Variants in GLIS3 observed in about 807,000 individuals in gnomAD.
The protein encoded by GLIS3 is GLIS family zinc finger 3.
In GLIS3, 53 loss-of-function variants were observed where a neutral mutation model predicts 78.6. The observed-to-expected ratio is 0.67, with a 90% CI of 0.54 to 0.85. GLIS3 has a LOEUF of 0.85. Among genes scored for constraint, GLIS3 ranks in the 40% least tolerant of loss-of-function variants. The probability of loss-of-function intolerance (pLI) is 0.00; values close to 1 mark genes in which losing one functional copy is unlikely to be tolerated. For missense variants in GLIS3, 1,703 were observed against 1,231.1 expected (o/e 1.38, Z -5.74); for synonymous variants, 684 against 509.9 (o/e 1.34, Z -4.60).
chr9:4,409,102 T>A, the GLIS3 span, among the ~76,000 whole-genome samples: 1 of 152,096 alleles, frequency 6.6e-6, no homozygotes, highest in Non-Finnish European at 1.5e-5. Context: ...CATAAACCAG[T>A]CTTGTATGGG....
At chr9:4,100,634 G>A (rs1830301092) in intron 4 of GLIS3, among the ~76,000 whole-genome samples, 2 of 152,068 alleles carry the variant, frequency 1.3e-5, no homozygotes, top group African/African-American at 4.8e-5. Context: ...TAAACCAGTG[G>A]TGTCTCTTTC....
At chr9:4,272,649 T>C (rs1172919739) in intron 2 of GLIS3, among the ~76,000 whole-genome samples, 1 of 152,248 alleles carries the variant, frequency 6.6e-6, no homozygotes. Flanking sequence ...TTTTCAACTC[T>C]AGAATAACCA....
the GLIS3 span, among the ~76,000 whole-genome samples, chr9:4,417,610 T>G: frequency 1.3e-5 from 2 of 152,226 alleles, no homozygotes; most frequent in Non-Finnish European, 2.9e-5. Flanking sequence ...GGGGCCCTTG[T>G]GTAAATACAT....
At chr9:4,271,339 G>C (rs762958329) in intron 2 of GLIS3, among the ~76,000 whole-genome samples, 1 of 152,038 alleles carries the variant, frequency 6.6e-6, no homozygotes, top group Admixed American at 6.6e-5. Flanking sequence ...TTATGTTTTG[G>C]GGGAATCAGA....
chr9:4,181,467 A>G (rs1817318159), intron 2 of GLIS3, among the ~76,000 whole-genome samples: 1 of 152,174 alleles, frequency 6.6e-6, no homozygotes, highest in South Asian at 2.1e-4. Flanking sequence ...GCTTACACAG[A>G]GGGGTGGGAC....
chr9:4,074,054 TC>T (rs1453159669), intron 4 of GLIS3, among the ~76,000 whole-genome samples: 2 of 152,206 alleles, frequency 1.3e-5, no homozygotes, highest in African/African-American at 4.8e-5. Flanking sequence ...AAGCATTTCC[TC>T]CCACTCTCTA....
At chr9:4,467,939 CT>C in the GLIS3 span, among the ~76,000 whole-genome samples, 2 of 152,068 alleles carry the variant, frequency 1.3e-5, no homozygotes, top group African/African-American at 4.8e-5. Context: ...TAGAGAAGAC[CT>C]TAAATGACCT....
chr9:4,311,135 G>A (rs1015818069), intron 2 of GLIS3, among the ~76,000 whole-genome samples: 10 of 152,208 alleles, frequency 6.6e-5, no homozygotes, highest in East Asian at 1.9e-4. Context: ...TTGGCCAGGC[G>A]CGGTGGCTGA....
chr9:3,830,326 T>C (rs17691242), intron 9 of GLIS3, among the ~76,000 whole-genome samples: 10,349 of 152,250 alleles, frequency 0.068, 477 homozygotes, highest in Non-Finnish European at 0.1. Context: ...ATAATACATT[T>C]AAGTCAACAG....
intron 4 of GLIS3, among the ~76,000 whole-genome samples, chr9:4,014,878 C>G (rs932443611): frequency 6.6e-6 from 1 of 152,202 alleles, no homozygotes; most frequent in Non-Finnish European, 1.5e-5. Flanking sequence ...CAACCATTCA[C>G]TCACTGGTTC....
intron 4 of GLIS3, among the ~76,000 whole-genome samples, chr9:4,100,989 G>A (rs189899570): frequency 7.9e-5 from 12 of 152,264 alleles, no homozygotes; most frequent in Admixed American, 7.9e-4. Context: ...GGAAGGAACT[G>A]GGCTGGGGGC....
chr9:4,368,698 G>C, the GLIS3 span, among the ~76,000 whole-genome samples: 1 of 152,168 alleles, frequency 6.6e-6, no homozygotes, highest in East Asian at 1.9e-4. Flanking sequence ...AAACCTAATG[G>C]ATGACTTTGA....
intron 4 of GLIS3, among the ~76,000 whole-genome samples, chr9:3,958,761 G>A (rs1255335171): frequency 3.3e-5 from 5 of 152,222 alleles, no homozygotes; most frequent in Admixed American, 1.3e-4. Flanking sequence ...GACAGAGACT[G>A]TAAATCTGGG....
intron 4 of GLIS3, among the ~76,000 whole-genome samples, chr9:4,110,615 C>T (rs958337604): frequency 2.6e-5 from 4 of 152,094 alleles, no homozygotes; most frequent in Non-Finnish European, 4.4e-5. Flanking sequence ...GATTGGTCTC[C>T]CCTCTGGATG....
At chr9:4,032,654 A>G (rs1450024704) in intron 4 of GLIS3, among the ~76,000 whole-genome samples, 1 of 152,128 alleles carries the variant, frequency 6.6e-6, no homozygotes, top group Non-Finnish European at 1.5e-5. Context: ...GGAATAAAGC[A>G]CTTCACTCAA....
chr9:4,055,689 C>A (rs1454173813), intron 4 of GLIS3, among the ~76,000 whole-genome samples: 1 of 152,174 alleles, frequency 6.6e-6, no homozygotes, highest in Non-Finnish European at 1.5e-5. Context: ...CAATGGCAGG[C>A]TTCTGTGATC....
At chr9:4,384,913 G>A in the GLIS3 span, among the ~76,000 whole-genome samples, 1 of 151,838 alleles carries the variant, frequency 6.6e-6, no homozygotes, top group Non-Finnish European at 1.5e-5. Flanking sequence ...GCACAACATT[G>A]GGTCCTAACT....
chr9:4,175,751 A>C (rs1816758956), intron 2 of GLIS3, among the ~76,000 whole-genome samples: 3 of 152,234 alleles, frequency 2.0e-5, no homozygotes, highest in African/African-American at 7.2e-5. Flanking sequence ...GAAGTGAAGC[A>C]ATGTAACAAA....
At chr9:4,253,686 C>T (rs13292841) in intron 2 of GLIS3, among the ~76,000 whole-genome samples, 5 of 152,154 alleles carry the variant, frequency 3.3e-5, no homozygotes, top group East Asian at 1.9e-4. Context: ...GCTGGGTGTC[C>T]GCCCAAACGG....
Sources: allele counts gnomAD v4.1 joint callset (sites outside exome capture counted in the v4.1 genomes callset), GRCh38; gene constraint gnomAD v4.1.1; transcripts MANE v1.5; gene names NCBI Gene and HGNC (gene_info 2026-07-23, HGNC 2026-07-21).